Variants in PTPN9 observed in about 807,000 individuals in gnomAD.
PTPN9 encodes protein tyrosine phosphatase non-receptor type 9.
PTPN9 carries 26 observed loss-of-function variants against 69.8 expected under a neutral mutation model. That is an observed-to-expected ratio of 0.37 (90% confidence interval 0.27 to 0.52). The LOEUF (loss-of-function observed/expected upper bound fraction) is 0.52, where lower values mean the gene tolerates loss of function less well. PTPN9 is among the 20% of genes least tolerant of loss of function. PTPN9 has a pLI of 0.91. For missense variants in PTPN9, 549 were observed against 740.3 expected (o/e 0.74, Z 3.00); for synonymous variants, 274 against 272.5 (o/e 1.01, Z -0.05).
At chr15:75,526,994 G>T (rs770623120) in intron 2 of PTPN9, 124 bp downstream of exon 2, 2 of 1,246,730 alleles carry the variant, frequency 1.6e-6, no homozygotes, top group Non-Finnish European at 2.2e-6. Context: ...CCTGGATATG[G>T]ATCCATTTTT....
chr15:75,510,219 G>GT (rs370619762), intron 5 of PTPN9, among the ~76,000 whole-genome samples: 22 of 152,124 alleles, frequency 1.4e-4, no homozygotes, highest in African/African-American at 4.3e-4. Flanking sequence ...ACAGTGCTTA[G>GT]TTTTTTTGTT....
At chr15:75,523,406 A>C (rs572975189) in intron 3 of PTPN9, among the ~76,000 whole-genome samples, 161 bp from the exon 4 acceptor site, 1 of 152,266 alleles carries the variant, frequency 6.6e-6, no homozygotes, top group East Asian at 1.9e-4. Context: ...GAGTGTTAAT[A>C]TCATCCTTTG....
At chr15:75,561,518 C>T (rs553769795) in intron 1 of PTPN9, among the ~76,000 whole-genome samples, 2 of 151,744 alleles carry the variant, frequency 1.3e-5, no homozygotes, top group Non-Finnish European at 2.9e-5. Flanking sequence ...ATGAAATATA[C>T]TTTCCCATTA....
At chr15:75,525,450 T>A (rs1003031401) in intron 2 of PTPN9, among the ~76,000 whole-genome samples, 1 of 150,394 alleles carries the variant, frequency 6.6e-6, no homozygotes, top group South Asian at 2.2e-4. Flanking sequence ...CGCCTCGGCC[T>A]CCCAAAGTGC....
At chr15:75,535,777 T>A (rs575459707) in intron 1 of PTPN9, among the ~76,000 whole-genome samples, 29 of 152,192 alleles carry the variant, frequency 1.9e-4, no homozygotes, top group African/African-American at 6.8e-4. Context: ...TTTATATCTA[T>A]TGATCTCTTC....
At chr15:75,472,539 A>C (rs1157820163) in intron 10 of PTPN9, among the ~76,000 whole-genome samples, 1 of 152,138 alleles carries the variant, frequency 6.6e-6, no homozygotes, top group Non-Finnish European at 1.5e-5. Context: ...CCACGCTTGT[A>C]ATCCCAGCAC....
chr15:75,578,702 G>T lies in PTPN9; in HGVS notation c.63+12C>A. On this transcript the variant is annotated intron_variant, in intron 1 of 12. Coordinates refer to ENST00000618819, the MANE Select transcript of PTPN9 (RefSeq NM_002833.4). ...CGGACACACCCAACGCGGCGGCCTC[G>T]GGCCCGCTTACCTGCTCCTCCTCCG... 1 of 1,369,982 alleles carries T rather than the reference G, an allele frequency of 7.3e-7. No individual in the cohort carries two copies. The highest frequency in any genetic ancestry group is 9.4e-7 in the Non-Finnish European group (1 of 1,058,886). The allele number at this position is 1,369,982 out of a possible 1,614,324, so 84.9% of individuals were successfully genotyped here.
intron 1 of PTPN9, among the ~76,000 whole-genome samples, chr15:75,551,233 C>T (rs1002770772): frequency 2.0e-5 from 3 of 152,122 alleles, no homozygotes; most frequent in Non-Finnish European, 2.9e-5. Context: ...ACCACCCTGC[C>T]GAGGGCTGTT....
At chr15:75,513,169 T>C (rs1259190461) in intron 5 of PTPN9, 3 of 432,088 alleles carry the variant, frequency 6.9e-6, no homozygotes, top group Non-Finnish European at 1.4e-5. Context: ...TGCAGTTCTT[T>C]GCTCTGAAAA....
chr15:75,490,191 T>G lies in PTPN9; in HGVS notation c.1062+17A>C. 2.5e-6 allele frequency: 4 copies of G among 1,572,836 alleles called. No individual in the cohort carries two copies. The highest frequency in any genetic ancestry group is 3.5e-6 in the Non-Finnish European group (4 of 1,142,658). ...TTTCCCCCAGTGCACCTAAAAAGAT[T>G]ACATTTATCTGTCTACCTGAGTATG... is the stretch of plus-strand genomic sequence containing the variant. On this transcript the variant is annotated intron_variant, in intron 8 of 12. Transcript: ENST00000618819.
In PTPN9 at chr15:75,494,565, C is replaced by T. The variant is rs191717453; in HGVS notation, c.969-4264G>A. Among the ~76,000 whole-genome samples the T allele has an allele frequency of 4.8e-3, 730 of 151,712 alleles. 6 individuals carry two copies. Among genetic ancestry groups the T allele is most frequent in the African/African-American group, 0.017 (712 of 41,424 alleles). ...ACGGGGTTTCGCCATGTTGGCCAGGCTGGTCTTGAACTCCTCACCTCAGGT... is the reference window on the plus strand; with the variant it reads ...ACGGGGTTTCGCCATGTTGGCCAGGTTGGTCTTGAACTCCTCACCTCAGGT... On this transcript the variant is annotated intron_variant, in intron 7 of 12. Coordinates refer to ENST00000618819, the MANE Select transcript of PTPN9 (RefSeq NM_002833.4).
intron 9 of PTPN9, among the ~76,000 whole-genome samples, chr15:75,475,017 G>A (rs1008355845): frequency 1.3e-5 from 2 of 152,060 alleles, no homozygotes; most frequent in African/African-American, 2.4e-5. Flanking sequence ...TCTGACCACC[G>A]CATTCCTTGT....
chr15:75,576,110 A>AAGTCACAGCT (rs77363830), intron 1 of PTPN9, among the ~76,000 whole-genome samples: 12,433 of 150,912 alleles, frequency 0.082, 653 homozygotes, highest in South Asian at 0.2. Flanking sequence ...CGCACGCCTG[A>AAGTCACAGCT]AGTCACAGCT....
intron 1 of PTPN9, among the ~76,000 whole-genome samples, chr15:75,559,805 G>C (rs2141340119): frequency 6.6e-6 from 1 of 150,796 alleles, no homozygotes; most frequent in Non-Finnish European, 1.5e-5. Flanking sequence ...AAATATTTGG[G>C]GTGGCTGAAG....
chr15:75,574,554 G>A (rs2075162846), intron 1 of PTPN9, among the ~76,000 whole-genome samples: 1 of 152,110 alleles, frequency 6.6e-6, no homozygotes, highest in African/African-American at 2.4e-5. Flanking sequence ...TGTACACAAG[G>A]GCAGAGGGAC....
chr15:75,520,786 A>T (rs1436870513), intron 4 of PTPN9, among the ~76,000 whole-genome samples: 4 of 151,848 alleles, frequency 2.6e-5, no homozygotes, highest in Non-Finnish European at 4.4e-5. Flanking sequence ...AAGTGCTGGG[A>T]CTACACGCGT....
chr15:75,562,554 G>T (rs944882442), intron 1 of PTPN9, among the ~76,000 whole-genome samples: 1 of 152,012 alleles, frequency 6.6e-6, no homozygotes, highest in Non-Finnish European at 1.5e-5. Context: ...ATCCTAGGCC[G>T]GGCGCGGTGG....
Position 75,488,298 on chromosome 15 carries a change from T to C in PTPN9, c.1062+1910A>G, listed in dbSNP as rs1325592028. ...CTCTGTCTCAAAATAAATAAATAAA[T>C]AAAAATAAAATAACTTTACTTTGAA... On this transcript the variant is annotated intron_variant, in intron 8 of 12. Coordinates refer to ENST00000618819, the MANE Select transcript of PTPN9 (RefSeq NM_002833.4). Among the ~76,000 whole-genome samples, 9 of 150,142 alleles carry C rather than the reference T, an allele frequency of 6.0e-5. 1 individual carries two copies. The highest frequency in any genetic ancestry group is 6.0e-4 in the Admixed American group (9 of 15,052).
chr15:75,573,457 T>C (rs1394667531), intron 1 of PTPN9, among the ~76,000 whole-genome samples: 1 of 152,208 alleles, frequency 6.6e-6, no homozygotes, highest in Non-Finnish European at 1.5e-5. Context: ...AAATGAGGAT[T>C]TGTATCCGTT....
Sources: gnomAD v4.1 joint callset for allele counts (sites outside exome capture counted in the v4.1 genomes callset) on GRCh38, gnomAD v4.1.1 for gene constraint, MANE v1.5 for transcripts, NCBI Gene and HGNC (gene_info 2026-07-23, HGNC 2026-07-21) for gene names.